RGS20: variants seen among roughly 807,000 people sequenced by gnomAD.
RGS20 encodes the protein gz-selective GTPase-activating protein.
In RGS20, 30 loss-of-function variants were observed where a neutral mutation model predicts 33.6. The ratio of observed to expected loss-of-function variants is 0.89; its 90% CI spans 0.67 to 1.21. The LOEUF (loss-of-function observed/expected upper bound fraction) is 1.21, where lower values mean the gene tolerates loss of function less well. Ranked by LOEUF, RGS20 falls within the 50% of genes most tolerant of loss-of-function variation. The probability of loss-of-function intolerance (pLI) is 0.00; values close to 1 mark genes in which losing one functional copy is unlikely to be tolerated. For missense variants in RGS20, 472 were observed against 502.4 expected (o/e 0.94, Z 0.58); for synonymous variants, 208 against 197.9 (o/e 1.05, Z -0.43).
intron 1 of RGS20, among the ~76,000 whole-genome samples, chr8:53,863,228 C>A (rs1298807266): frequency 1.3e-5 from 2 of 152,060 alleles, no homozygotes; most frequent in African/African-American, 4.8e-5. Context: ...CTCAGGTGAT[C>A]CGCCCGCCTC....
chr8:53,925,676 G>A (rs28479706), intron 2 of RGS20, among the ~76,000 whole-genome samples: 16 of 152,130 alleles, frequency 1.1e-4, no homozygotes, highest in Non-Finnish European at 1.6e-4. Context: ...TGGAGGTGCC[G>A]GTGAGCTGAG....
chr8:53,913,360 A>T (rs1279717467), intron 2 of RGS20: 1 of 152,250 alleles, frequency 6.6e-6, no homozygotes, highest in Non-Finnish European at 1.5e-5. Context: ...TCGGGACAGA[A>T]GCATTAAAGT....
chr8:53,883,156 TC>T (rs1391895259), intron 2 of RGS20, among the ~76,000 whole-genome samples: 151 of 149,256 alleles, frequency 1.0e-3, no homozygotes, highest in African/African-American at 3.6e-3. Context: ...CATCTTTCTT[TC>T]TTTTTTTTTT....
At chr8:53,905,598 G>A (rs956059596) in intron 2 of RGS20, among the ~76,000 whole-genome samples, 3 of 152,038 alleles carry the variant, frequency 2.0e-5, no homozygotes, top group Non-Finnish European at 2.9e-5. Flanking sequence ...CTTACGTCTC[G>A]GCTGCTAATA....
rs531892691 is a variant in RGS20 at position 53,946,713 on chromosome 8, C to T, written c.708C>T (p.His236=). The change falls in exon 4 of 6, where the codon CAC becomes CAT. Residue 236 remains histidine, a synonymous_variant. Transcript: ENST00000297313. ...ATCAGAGGCCCACAATAGCTTCCCA[C>T]GAACTCAGAGCAGATCTTCCAACCT... 1.1e-5 allele frequency: 17 copies of T among 1,612,996 alleles called. No homozygotes were observed. The highest frequency in any genetic ancestry group is 2.2e-5 in the South Asian group (2 of 90,868).
At chr8:53,900,477 T>G (rs1321183601) in intron 2 of RGS20, among the ~76,000 whole-genome samples, 1 of 152,190 alleles carries the variant, frequency 6.6e-6, no homozygotes, top group Admixed American at 6.5e-5. Flanking sequence ...AAGGTCTTTC[T>G]ATATTACTCA....
intron 3 of RGS20, 143 bp downstream of exon 2, chr8:53,939,867 A>C (rs901405339): frequency 1.1e-6 from 1 of 908,986 alleles, no homozygotes; most frequent in African/African-American, 1.7e-5. Context: ...TATGCCTGAC[A>C]CACAGGGACA....
At chr8:53,881,962 G>A (rs1326915704) in intron 2 of RGS20, among the ~76,000 whole-genome samples, 2 of 152,060 alleles carry the variant, frequency 1.3e-5, no homozygotes, top group Admixed American at 1.3e-4. Context: ...ACCGCGGTGG[G>A]CGTTGGAGGG....
intron 2 of RGS20, among the ~76,000 whole-genome samples, chr8:53,893,589 C>T (rs1259882703): frequency 6.6e-6 from 1 of 152,176 alleles, no homozygotes; most frequent in Non-Finnish European, 1.5e-5. Flanking sequence ...GAGGACTGCT[C>T]TCCTTACCAT....
At position 53,959,098 on chromosome 8, in the gene RGS20, C is replaced by T. The variant is rs925002424; in HGVS notation, c.*640C>T. 1 of 152,204 alleles carries T rather than the reference C, an allele frequency of 6.6e-6. No homozygotes were observed. The highest frequency in any genetic ancestry group is 2.1e-4 in the South Asian group (1 of 4,826). 9.4% of individuals were successfully genotyped at this position (152,204 alleles called of 1,614,324 possible). ...TGGATCAGTCTCAAGTGTCTGGTAA[C>T]AGCAGCAGTGCTTAGAAAATTCTTT... On this transcript the variant is annotated 3_prime_UTR_variant, in exon 6 of 6. Transcript: ENST00000297313.
rs78659721 is a variant in RGS20, at chr8:53,859,916, C to T, written c.165+7852C>T. 3.2e-3 allele frequency among the ~76,000 whole-genome samples: 486 copies of T among 152,312 alleles called. 3 individuals are homozygous for T. Among genetic ancestry groups the T allele is most frequent in the Admixed American group, 6.9e-3 (105 of 15,302 alleles). On this transcript the variant is annotated intron_variant, in intron 1 of 5. Coordinates refer to ENST00000297313, the MANE Select transcript of RGS20 (RefSeq NM_170587.4). ...CCCCCACTATTCAGTTACCTCCCAC[C>T]GGGTCCCTCCCATGACATATGGGGA... is the stretch of plus-strand genomic sequence containing the variant.
At chr8:53,868,903 C>G (rs186201172) in intron 1 of RGS20, among the ~76,000 whole-genome samples, 1 of 152,258 alleles carries the variant, frequency 6.6e-6, no homozygotes, top group Admixed American at 6.5e-5. Context: ...CAGGTACGCA[C>G]CACCACGCCT....
intron 2 of RGS20, among the ~76,000 whole-genome samples, chr8:53,923,608 T>A (rs868026097): frequency 2.0e-3 from 303 of 151,636 alleles, no homozygotes; most frequent in African/African-American, 6.7e-3. Context: ...AAAAAAAAAA[T>A]TTCCAGAGAC....
intron 1 of RGS20, among the ~76,000 whole-genome samples, chr8:53,857,332 T>G (rs990127642): frequency 6.6e-6 from 1 of 152,212 alleles, no homozygotes; most frequent in Admixed American, 6.5e-5. Flanking sequence ...GCCTTGTGGC[T>G]CAGGTCCTTG....
intron 2 of RGS20, among the ~76,000 whole-genome samples, chr8:53,931,841 CTG>C (rs1034736012): frequency 2.0e-5 from 3 of 152,134 alleles, no homozygotes; most frequent in African/African-American, 7.2e-5. Flanking sequence ...CCATGAGAAA[CTG>C]TGCCATAAGG....
rs546759506 is a variant in RGS20, at chr8:53,858,917, G to A, written c.165+6853G>A. ...TAAAAAAAAAAAAAAAAAAAACCGC[G>A]GGGGGTGGGGCAGAGGAAGTGGGAA... On this transcript the variant is annotated intron_variant, in intron 1 of 5. Transcript: ENST00000297313. Among the ~76,000 whole-genome samples, 19 of 150,698 alleles carry A rather than the reference G, an allele frequency of 1.3e-4. 1 individual carries two copies. Among genetic ancestry groups the A allele is most frequent in the Admixed American group, 2.6e-4 (4 of 15,124 alleles).
chr8:53,921,755 A>C (rs1254066604), intron 2 of RGS20, among the ~76,000 whole-genome samples: 2 of 152,086 alleles, frequency 1.3e-5, no homozygotes, highest in African/African-American at 4.8e-5. Flanking sequence ...TCAACTAGCT[A>C]AGGTTTGTCA....
chr8:53,903,938 G>T (rs531462558), intron 2 of RGS20, among the ~76,000 whole-genome samples: 1 of 152,102 alleles, frequency 6.6e-6, no homozygotes, highest in Non-Finnish European at 1.5e-5. Flanking sequence ...GCCATATCAC[G>T]TGGAGAAGAA....
chr8:53,879,356 C>G lies in RGS20; in HGVS notation c.264C>G (p.His88Gln), dbSNP rs771628587. The G allele has an allele frequency of 7.4e-6, 12 of 1,612,030 alleles. No individual in the cohort carries two copies. Among genetic ancestry groups the G allele is most frequent in the Non-Finnish European group, 1.0e-5 (12 of 1,179,950 alleles). ...CCAGCCTCGCAAGGTTCTTCTCTCA[C>G]CTTCTCCGGCGACCCCCTCCCGAGG... Residue 88 changes from histidine (H) to glutamine (Q), a missense_variant, in exon 2 of 6, where the codon CAC (histidine) becomes CAG (glutamine). Around this residue, in one of 3 missense-constraint regions of RGS20, gnomAD observed 319 missense variants for 283.4 expected, o/e 1.13. Transcript: ENST00000297313.
Sources: gnomAD v4.1 joint callset for allele counts (sites outside exome capture counted in the v4.1 genomes callset) on GRCh38, gnomAD v4.1.1 for gene constraint, gnomAD v4.1.1 regional missense constraint, MANE v1.5 for transcripts, NCBI Gene and HGNC (gene_info 2026-07-23, HGNC 2026-07-21) for gene names.